TAF4B: variants seen among roughly 807,000 people sequenced by gnomAD.
The protein encoded by TAF4B is transcription initiation factor TFIID subunit 4B.
Under a neutral mutation model 86.4 loss-of-function variants are expected in TAF4B, and 38 were observed. The ratio of observed to expected loss-of-function variants is 0.44; its 90% confidence interval spans 0.34 to 0.58. TAF4B has a LOEUF of 0.58. Ranked by LOEUF, TAF4B falls within the 20% of genes least tolerant of loss-of-function variation. TAF4B has a pLI of 0.02. For synonymous variants in TAF4B, 388 were observed against 391.2 expected, an observed-to-expected ratio of 0.99 and a Z score of 0.10; for missense variants, 988 against 1,027.6, an observed-to-expected ratio of 0.96 and a Z score of 0.53.
intron 9 of TAF4B, among the ~76,000 whole-genome samples, chr18:26,308,208 T>G (rs2056816294): frequency 6.6e-6 from 1 of 152,036 alleles, no homozygotes; most frequent in Non-Finnish European, 1.5e-5. Flanking sequence ...AAGGTGAGAT[T>G]GCACCGCTGC....
At position 26,265,324 on chromosome 18, in the gene TAF4B, C is replaced by CTT. The variant is rs754992031; in HGVS notation, c.489+9_489+10insTT. Reference sequence around the variant, plus strand: ...AAATCTGTACAGTGCCGGTAATATACCTTAAATATTTTTCATCTTTCTTTG... The same window carrying CTT: ...AAATCTGTACAGTGCCGGTAATATACTTCTTAAATATTTTTCATCTTTCTTTG... On this transcript the variant is annotated intron_variant, in intron 2 of 14. Transcript: ENST00000269142. The CTT allele has an allele frequency of 6.3e-7, 1 of 1,578,314 alleles. No individual in the cohort carries two copies. The highest frequency in any genetic ancestry group is 1.2e-5 in the South Asian group (1 of 84,784).
At chr18:26,235,505 G>A (rs1405088351) in intron 1 of TAF4B, among the ~76,000 whole-genome samples, 5 of 152,206 alleles carry the variant, frequency 3.3e-5, no homozygotes, top group African/African-American at 1.2e-4. Flanking sequence ...AGAGTAGCCT[G>A]CTGGCATGAG....
Position 26,282,021 on chromosome 18 carries a change from C to G in TAF4B, c.933C>G (p.Leu311=), listed in dbSNP as rs368323448. The change falls in exon 6 of 15, where the codon CTC becomes CTG. Residue 311 remains leucine, a synonymous_variant. Transcript: ENST00000269142. ...EEFTRKLYVE[L]KSSPQPHLVP... ...TTACTAGGAAACTGTATGTTGAACTCAAGTCTTCACCTCAGCCTCACCTGG... is the reference window on the plus strand; with the variant it reads ...TTACTAGGAAACTGTATGTTGAACTGAAGTCTTCACCTCAGCCTCACCTGG... 2 of 1,613,384 alleles carry G rather than the reference C, an allele frequency of 1.2e-6. No homozygotes were observed. The highest frequency in any genetic ancestry group is 2.7e-5 in the African/African-American group (2 of 74,896).
chr18:26,362,080 A>G (rs908263830), intron 14 of TAF4B, among the ~76,000 whole-genome samples: 2 of 152,158 alleles, frequency 1.3e-5, no homozygotes, highest in Non-Finnish European at 2.9e-5. Flanking sequence ...AATTATGTTA[A>G]ATGTTTGCTT....
chr18:26,385,940 T>G (rs1472696979), intron 14 of TAF4B, among the ~76,000 whole-genome samples: 1 of 152,202 alleles, frequency 6.6e-6, no homozygotes, highest in Non-Finnish European at 1.5e-5. Context: ...CAGGTCATTG[T>G]GATTGACAAG....
intron 1 of TAF4B, among the ~76,000 whole-genome samples, chr18:26,228,485 G>A (rs1352941580): frequency 2.6e-5 from 4 of 152,044 alleles, no homozygotes; most frequent in South Asian, 2.1e-4. Flanking sequence ...ACATTATTTG[G>A]CAGTTCTAAA....
chr18:26,355,629 C>A (rs1454161995), intron 13 of TAF4B, among the ~76,000 whole-genome samples: 1 of 152,096 alleles, frequency 6.6e-6, no homozygotes, highest in Non-Finnish European at 1.5e-5. Flanking sequence ...GTATAATTTG[C>A]AGAATGGGAG....
intron 13 of TAF4B, among the ~76,000 whole-genome samples, chr18:26,352,415 A>G (rs1181213466): frequency 6.6e-6 from 1 of 151,954 alleles, no homozygotes; most frequent in East Asian, 1.9e-4. Context: ...ATAGATCCAA[A>G]GCAAGCAGAA....
intron 1 of TAF4B, among the ~76,000 whole-genome samples, chr18:26,250,860 T>G (rs1187825127): frequency 6.6e-6 from 1 of 152,170 alleles, no homozygotes; most frequent in Non-Finnish European, 1.5e-5. Flanking sequence ...AGAAGCTCAA[T>G]TTTGGCAAAT....
intron 1 of TAF4B, among the ~76,000 whole-genome samples, chr18:26,245,435 G>T (rs2055907918): frequency 6.6e-6 from 1 of 152,102 alleles, no homozygotes; most frequent in African/African-American, 2.4e-5. Context: ...TGTGGAAGGG[G>T]ACCCAAGTGG....
Position 26,390,322 on chromosome 18 carries a change from G to T in TAF4B, c.*310G>T. On this transcript the variant is annotated 3_prime_UTR_variant, in exon 15 of 15. Coordinates refer to ENST00000269142, the MANE Select transcript of TAF4B (RefSeq NM_005640.3). ...TACTACCTGCCTCATTTGCCAAATT[G>T]TAGCAGGTGAGGTGTCCTTCCCTAA... 8.6e-6 allele frequency: 2 copies of T among 233,898 alleles called. No individual in the cohort carries two copies. Among genetic ancestry groups the T allele is most frequent in the Non-Finnish European group, 1.6e-5 (2 of 122,022 alleles). The allele number at this position is 233,898 out of a possible 1,614,324, so 14.5% of individuals were successfully genotyped here.
intron 13 of TAF4B, among the ~76,000 whole-genome samples, chr18:26,346,873 A>ATATATATGTGTG (rs1555623695): frequency 2.4e-4 from 3 of 12,304 alleles, no homozygotes; most frequent in Non-Finnish European, 5.5e-4. Flanking sequence ...ATATATATAT[A>ATATATATGTGTG]TGTGTATATA....
rs563247679 is a variant in TAF4B, at chr18:26,335,161, T to A, written c.2260-14T>A. The stretch of plus-strand genomic sequence containing the variant: ...GCTAGTAATTTCTATTAAAATTTTC[T>A]TTTCCTTTGATAGAGTCGTTCTAAT... On this transcript the variant is annotated splice_polypyrimidine_tract_variant and intron_variant, in intron 12 of 14. Transcript: ENST00000269142. 1 of 1,604,520 alleles carries A rather than the reference T, an allele frequency of 6.2e-7. No individual in the cohort carries two copies. Among genetic ancestry groups the A allele is most frequent in the South Asian group, 1.1e-5 (1 of 90,158 alleles).
chr18:26,305,114 T>C (rs1163300242), intron 9 of TAF4B, among the ~76,000 whole-genome samples: 6 of 152,240 alleles, frequency 3.9e-5, no homozygotes, highest in South Asian at 2.1e-4. Context: ...TGAATTCTAA[T>C]GTATCCTTTC....
chr18:26,311,645 G>T (rs2056855049), intron 9 of TAF4B, among the ~76,000 whole-genome samples: 1 of 152,090 alleles, frequency 6.6e-6, no homozygotes. Flanking sequence ...ACAAGCATAG[G>T]AAGTTGAAGA....
intron 13 of TAF4B, among the ~76,000 whole-genome samples, chr18:26,336,446 TGTG>T (rs772848777): frequency 7.9e-5 from 12 of 152,088 alleles, no homozygotes; most frequent in Non-Finnish European, 1.2e-4. Flanking sequence ...TTACAATCAA[TGTG>T]GTGTGTTTTC....
intron 1 of TAF4B, among the ~76,000 whole-genome samples, chr18:26,245,370 A>C (rs2055906794): frequency 6.6e-6 from 1 of 152,152 alleles, no homozygotes. Context: ...ACGGACCCAA[A>C]GAGTGAGTGG....
chr18:26,311,072 T>G (rs2056849542), intron 9 of TAF4B, among the ~76,000 whole-genome samples: 1 of 152,206 alleles, frequency 6.6e-6, no homozygotes, highest in South Asian at 2.1e-4. Context: ...GTTGTTTCCA[T>G]TGTTTCATAC....
At position 26,274,700 on chromosome 18, in the gene TAF4B, C is replaced by T. The variant is rs2056361591; in HGVS notation, c.635C>T (p.Pro212Leu). The T allele has an allele frequency of 1.9e-6, 3 of 1,614,174 alleles. No homozygotes were observed. Among genetic ancestry groups the T allele is most frequent in the African/African-American group, 1.3e-5 (1 of 75,040 alleles). Residue 212 changes from proline to leucine, a missense_variant, in exon 4 of 15, where the codon CCT (proline) becomes CTT (leucine). Physicochemically the swap from Pro to Leu is moderately conservative, Grantham distance 98. This residue lies in a region of TAF4B where 747 missense variants were observed against 737.9 expected (regional missense o/e 1.01). Coordinates refer to ENST00000269142, the MANE Select transcript of TAF4B (RefSeq NM_005640.3). ...CCAACCAGTGTCGTCACAGTTACTC[C>T]TGGAAAGCCATTGAATACTGTAACT... Reference protein sequence around the residue: ...AVPTSVVTVTPGKPLNTVTTL... With the variant: ...AVPTSVVTVTLGKPLNTVTTL...
Sources: gnomAD v4.1 joint callset for allele counts (sites outside exome capture counted in the v4.1 genomes callset) on GRCh38, gnomAD v4.1.1 for gene constraint, gnomAD v4.1.1 regional missense constraint, MANE v1.5 for transcripts, NCBI Gene and HGNC (gene_info 2026-07-23, HGNC 2026-07-21) for gene names.